The following KCNK10 variants were observed in gnomAD, a reference collection of about 807,000 sequenced individuals.
KCNK10 encodes potassium two pore domain channel subfamily K member 10.
KCNK10 carries 25 observed loss-of-function variants against 47.7 expected under a neutral mutation model. The observed-to-expected ratio is 0.52, with a 90% CI of 0.38 to 0.73. The LOEUF (loss-of-function observed/expected upper bound fraction) is 0.73. Among genes scored for constraint, KCNK10 ranks in the 30% least tolerant of loss-of-function variants. KCNK10 has a pLI of 0.00. For missense variants in KCNK10, 563 were observed against 714.5 expected, an observed-to-expected ratio of 0.79 and a Z score of 2.42; for synonymous variants, 303 against 285.6, an observed-to-expected ratio of 1.06 and a Z score of -0.61.
intron 1 of KCNK10, among the ~76,000 whole-genome samples, chr14:88,297,892 G>C (rs1888019207): frequency 6.6e-6 from 1 of 152,196 alleles, no homozygotes; most frequent in Non-Finnish European, 1.5e-5. Context: ...GTTTCTCTGA[G>C]GAAATTTCCA....
At chr14:88,188,396 G>A (rs1469710581) in intron 5 of KCNK10, among the ~76,000 whole-genome samples, 1 of 152,188 alleles carries the variant, frequency 6.6e-6, no homozygotes, top group Non-Finnish European at 1.5e-5. Context: ...CTTGACCTGA[G>A]CGTTAAGGAT....
chr14:88,259,549 C>T (rs559450845), intron 2 of KCNK10, among the ~76,000 whole-genome samples: 12 of 152,252 alleles, frequency 7.9e-5, no homozygotes, highest in Admixed American at 4.6e-4. Context: ...CTTGACTTCC[C>T]GGGCTCAGGT....
intron 1 of KCNK10, among the ~76,000 whole-genome samples, chr14:88,265,753 C>G (rs1193324861): frequency 2.0e-5 from 3 of 152,072 alleles, no homozygotes; most frequent in Non-Finnish European, 4.4e-5. Flanking sequence ...CAGGTTTTTC[C>G]CCGTGCTGTT....
At chr14:88,200,528 G>T (rs1885069850) in intron 4 of KCNK10, among the ~76,000 whole-genome samples, 1 of 152,170 alleles carries the variant, frequency 6.6e-6, no homozygotes, top group Non-Finnish European at 1.5e-5. Context: ...TTTCTAGTTA[G>T]ACTAGGAACG....
intron 2 of KCNK10, among the ~76,000 whole-genome samples, chr14:88,255,924 G>A (rs1886942381): frequency 1.3e-5 from 2 of 152,178 alleles, no homozygotes; most frequent in East Asian, 1.9e-4. Context: ...ATGAGCTAGA[G>A]GATTCAAGCA....
intron 4 of KCNK10, among the ~76,000 whole-genome samples, chr14:88,212,539 C>A (rs1202893924): frequency 6.6e-6 from 1 of 152,114 alleles, no homozygotes; most frequent in African/African-American, 2.4e-5. Flanking sequence ...CCTCTACACA[C>A]ATTTGGAAAA....
chr14:88,319,675 C>T (rs1282279413), intron 1 of KCNK10, among the ~76,000 whole-genome samples: 1 of 152,176 alleles, frequency 6.6e-6, no homozygotes, highest in Non-Finnish European at 1.5e-5. Flanking sequence ...CTATTCCATT[C>T]CCTTTTCCTC....
intron 4 of KCNK10, among the ~76,000 whole-genome samples, chr14:88,214,468 T>G (rs528983884): frequency 6.6e-6 from 1 of 152,220 alleles, no homozygotes; most frequent in South Asian, 2.1e-4. Context: ...CTCGCAGAGG[T>G]GGGTCAAAAC....
chr14:88,249,820 A>AC (rs1235570528), intron 2 of KCNK10, among the ~76,000 whole-genome samples: 4 of 152,074 alleles, frequency 2.6e-5, no homozygotes. Context: ...TTAATACTGA[A>AC]CCTCAAGCTC....
At chr14:88,202,389 T>G (rs888665040) in intron 4 of KCNK10, among the ~76,000 whole-genome samples, 2 of 152,144 alleles carry the variant, frequency 1.3e-5, no homozygotes, top group African/African-American at 4.8e-5. Context: ...AGAGACCTCC[T>G]CCCAGTACAG....
At chr14:88,229,122 G>A (rs1273799605) in intron 3 of KCNK10, among the ~76,000 whole-genome samples, 1 of 152,098 alleles carries the variant, frequency 6.6e-6, no homozygotes, top group Non-Finnish European at 1.5e-5. Context: ...CTAACTTTGG[G>A]GAATATAGGT....
intron 4 of KCNK10, among the ~76,000 whole-genome samples, chr14:88,201,469 G>A (rs1280462342): frequency 6.6e-6 from 1 of 152,074 alleles, no homozygotes; most frequent in African/African-American, 2.4e-5. Flanking sequence ...AGACCAGCCT[G>A]GCCAATATGG....
At chr14:88,213,957 G>A (rs796258979) in intron 4 of KCNK10, among the ~76,000 whole-genome samples, 76 of 62,342 alleles carry the variant, frequency 1.2e-3, no homozygotes, top group African/African-American at 5.4e-3. Flanking sequence ...TATTATTATT[G>A]AGACAGAGTT....
chr14:88,277,673 C>A (rs900367232), intron 1 of KCNK10, among the ~76,000 whole-genome samples: 24 of 152,302 alleles, frequency 1.6e-4, no homozygotes, highest in Non-Finnish European at 1.3e-4. Context: ...AATAAAACAG[C>A]TCAGTCTCTT....
chr14:88,235,792 C>A (rs1886283370), intron 3 of KCNK10, among the ~76,000 whole-genome samples: 1 of 152,080 alleles, frequency 6.6e-6, no homozygotes, highest in Admixed American at 6.6e-5. Context: ...AAAACCAAAA[C>A]CACACAGCAA....
In KCNK10 at chr14:88,185,744, G is replaced by A. The variant is rs370994541; in HGVS notation, c.1423C>T (p.Gln475Ter). 1.9e-5 allele frequency: 31 copies of A among 1,614,014 alleles called. No individual in the cohort carries two copies. The highest frequency in any genetic ancestry group is 2.5e-5 in the Non-Finnish European group (30 of 1,180,022). ...DLKKTLPEDV[Q>*]KIYKTFRNYS... ...TTCCGGAAGGTCTTGTAGATTTTCTGAACGTCCTCGGGCAAGGTCTTTTTG... is the reference window on the plus strand; with the variant it reads ...TTCCGGAAGGTCTTGTAGATTTTCTAAACGTCCTCGGGCAAGGTCTTTTTG... The change falls in exon 7 of 7, where the codon CAG (glutamine) becomes TAG (stop). Residue 475 changes from glutamine (Q) to a stop codon, truncating the protein, a stop_gained. Transcript: ENST00000319231. LOFTEE classifies it high-confidence loss of function. The surrounding 1 kb of genome is among the most constrained non-coding windows in gnomAD (Gnocchi z 4.3).
chr14:88,208,434 G>A (rs547031050), intron 4 of KCNK10, among the ~76,000 whole-genome samples: 1 of 152,294 alleles, frequency 6.6e-6, no homozygotes, highest in Admixed American at 6.5e-5. Flanking sequence ...AGATAAAAGA[G>A]AGAGACACCT....
chr14:88,263,513 T>C lies in KCNK10; in HGVS notation c.91A>G (p.Ser31Gly). 2.5e-6 allele frequency: 4 copies of C among 1,613,034 alleles called. No individual in the cohort carries two copies. Among genetic ancestry groups the C allele is most frequent in the Non-Finnish European group, 2.5e-6 (3 of 1,179,976 alleles). The change falls in exon 2 of 7, where the codon AGC (serine) becomes GGC (glycine). Residue 31 changes from serine to glycine, a missense_variant. Physicochemically the swap from Ser to Gly is moderately conservative, Grantham distance 56. Transcript: ENST00000319231. ...GCCGGGGGTTGCCCGTTAGTGGCGC[T>C]CTTGGGCTGGCACACCGGTGCTGCT... The part of the protein sequence containing the change: ...PAAAPVCQPK[S>G]ATNGQPPAPA...
At chr14:88,237,159 T>C (rs1289738919) in intron 3 of KCNK10, among the ~76,000 whole-genome samples, 1 of 152,218 alleles carries the variant, frequency 6.6e-6, no homozygotes, top group African/African-American at 2.4e-5. Context: ...CACAGCATCT[T>C]TACCAGGCAG....
Sources: gnomAD v4.1 joint callset for allele counts (sites outside exome capture counted in the v4.1 genomes callset) on GRCh38, gnomAD v4.1.1 for gene constraint, Gnocchi (gnomAD v3.1) non-coding constraint, MANE v1.5 for transcripts, NCBI Gene and HGNC (gene_info 2026-07-23, HGNC 2026-07-21) for gene names.